The following GRIK2 variants were observed in gnomAD, a reference collection of about 807,000 sequenced individuals.
The protein encoded by GRIK2 is glutamate receptor ionotropic, kainate 2.
In GRIK2, 32 loss-of-function variants were observed where a neutral mutation model predicts 100.3. That is an observed-to-expected ratio of 0.32 (90% CI 0.24 to 0.43). The LOEUF (loss-of-function observed/expected upper bound fraction) is 0.43. GRIK2 is among the 20% of genes least tolerant of loss of function. GRIK2 has a pLI of 1.00. For synonymous variants in GRIK2, 417 were observed against 389.4 expected, an observed-to-expected ratio of 1.07 and a Z score of -0.83; for missense variants, 843 against 1,114.9, an observed-to-expected ratio of 0.76 and a Z score of 3.47.
intron 7 of GRIK2, among the ~76,000 whole-genome samples, chr6:101,712,603 A>C (rs1452183809): frequency 6.6e-6 from 1 of 151,776 alleles, no homozygotes; most frequent in Non-Finnish European, 1.5e-5. Context: ...GATTTTTGTT[A>C]CAGATAAAGA....
chr6:101,717,102 G>T (rs1774128699), intron 7 of GRIK2, among the ~76,000 whole-genome samples: 1 of 151,834 alleles, frequency 6.6e-6, no homozygotes, highest in South Asian at 2.1e-4. Flanking sequence ...TGAAGGAAAT[G>T]GATTTCTGAA....
chr6:101,612,895 T>C (rs2128313798), intron 2 of GRIK2, among the ~76,000 whole-genome samples: 1 of 151,482 alleles, frequency 6.6e-6, no homozygotes, highest in Non-Finnish European at 1.5e-5. Context: ...GTGGGAGTGG[T>C]AAGAAAAGAG....
chr6:101,889,536 GTTTTA>G (rs1212370431), intron 11 of GRIK2, 99 bp from the exon 12 acceptor site: 8 of 652,672 alleles, frequency 1.2e-5, no homozygotes, highest in Non-Finnish European at 1.8e-5. Context: ...TAAAGCCTTT[GTTTTA>G]TTTAATTTGA....
intron 2 of GRIK2, among the ~76,000 whole-genome samples, chr6:101,406,247 T>C (rs12208459): frequency 0.094 from 14,248 of 152,200 alleles, 720 homozygotes; most frequent in Non-Finnish European, 0.12. Flanking sequence ...AATTTTACTT[T>C]TGCATTTGGG....
chr6:101,789,329 A>G (rs75496527), intron 7 of GRIK2, among the ~76,000 whole-genome samples: 5,781 of 152,164 alleles, frequency 0.038, 184 homozygotes, highest in Middle Eastern at 0.071. Context: ...TTGGGTTTTT[A>G]TGGTTTCAGG....
intron 2 of GRIK2, among the ~76,000 whole-genome samples, chr6:101,456,724 T>C (rs966927305): frequency 6.6e-6 from 1 of 152,032 alleles, no homozygotes; most frequent in African/African-American, 2.4e-5. Context: ...GAATGTAAGC[T>C]ATGTTCTTTA....
At chr6:101,554,036 G>A (rs561784787) in intron 2 of GRIK2, among the ~76,000 whole-genome samples, 1 of 152,312 alleles carries the variant, frequency 6.6e-6, no homozygotes, top group African/African-American at 2.4e-5. Context: ...CCCAAGAACA[G>A]CTAACACATG....
At chr6:101,728,081 A>T (rs1038586123) in intron 7 of GRIK2, among the ~76,000 whole-genome samples, 1 of 152,100 alleles carries the variant, frequency 6.6e-6, no homozygotes, top group South Asian at 2.1e-4. Flanking sequence ...TAATTATTTT[A>T]TTGAGATAAT....
rs112172742 is a variant in GRIK2, at chr6:101,535,856, A to T, written c.116-86093A>T. Among the ~76,000 whole-genome samples the T allele has an allele frequency of 6.1e-3, 928 of 151,794 alleles. 6 individuals carry two copies. The highest frequency in any genetic ancestry group is 0.021 in the African/African-American group (864 of 41,486). ...AAGCACCTAAACGAAGTATTGTGCA[A>T]ATGTTTTGGTCACACACACCTTAAT... On this transcript the variant is annotated intron_variant, in intron 2 of 16. Transcript: ENST00000369134.
At chr6:101,591,012 A>G (rs898394665) in intron 2 of GRIK2, among the ~76,000 whole-genome samples, 1 of 152,040 alleles carries the variant, frequency 6.6e-6, no homozygotes, top group Admixed American at 6.6e-5. Flanking sequence ...TTTCTATGAA[A>G]TAAAGAGGAT....
intron 14 of GRIK2, among the ~76,000 whole-genome samples, chr6:101,975,793 GTCTATCTA>G (rs71028092): frequency 7.5e-4 from 73 of 96,970 alleles, no homozygotes; most frequent in African/African-American, 2.5e-3. Context: ...CTGTCTGTCT[GTCTATCTA>G]TCTATCTGTC....
At chr6:101,735,390 C>T (rs1925227) in intron 7 of GRIK2, among the ~76,000 whole-genome samples, 17,730 of 152,056 alleles carry the variant, frequency 0.12, 1,194 homozygotes, top group South Asian at 0.21. Flanking sequence ...TGTATTAGTC[C>T]GCTTTCAGGC....
At chr6:101,892,940 C>T (rs1333377025) in intron 12 of GRIK2, among the ~76,000 whole-genome samples, 4 of 151,044 alleles carry the variant, frequency 2.6e-5, no homozygotes, top group Admixed American at 2.6e-4. Flanking sequence ...TCTGAACATC[C>T]AAAAATCAAA....
At chr6:101,917,916 T>C (rs1171717104) in intron 12 of GRIK2, among the ~76,000 whole-genome samples, 1 of 151,602 alleles carries the variant, frequency 6.6e-6, no homozygotes, top group Non-Finnish European at 1.5e-5. Context: ...AAAAAAAACT[T>C]TGTATTCCTC....
chr6:101,817,547 T>G (rs1781707101), intron 9 of GRIK2, among the ~76,000 whole-genome samples: 1 of 152,180 alleles, frequency 6.6e-6, no homozygotes. Context: ...CTGATCATTG[T>G]TATATGATAG....
At chr6:101,910,502 A>G (rs923891934) in intron 12 of GRIK2, among the ~76,000 whole-genome samples, 1 of 151,318 alleles carries the variant, frequency 6.6e-6, no homozygotes, top group African/African-American at 2.4e-5. Flanking sequence ...TATGAATGTC[A>G]TCAGTTCAAA....
chr6:101,819,150 G>T (rs1261462895), intron 10 of GRIK2, among the ~76,000 whole-genome samples: 1 of 151,990 alleles, frequency 6.6e-6, no homozygotes, highest in Non-Finnish European at 1.5e-5. Context: ...TTTGCAAAAG[G>T]GAATTTTAAT....
chr6:101,908,457 A>G (rs1788398710), intron 12 of GRIK2, among the ~76,000 whole-genome samples: 2 of 151,418 alleles, frequency 1.3e-5, no homozygotes, highest in Admixed American at 1.3e-4. Flanking sequence ...TGTTGTAGTC[A>G]ATTTACCTAT....
intron 2 of GRIK2, among the ~76,000 whole-genome samples, chr6:101,529,533 A>G (rs910543021): frequency 1.3e-5 from 2 of 152,086 alleles, no homozygotes; most frequent in Non-Finnish European, 2.9e-5. Flanking sequence ...TGAATGCTGA[A>G]TTGCCCTTGT....
Sources: gnomAD v4.1 joint callset for allele counts (sites outside exome capture counted in the v4.1 genomes callset) on GRCh38, gnomAD v4.1.1 for gene constraint, MANE v1.5 for transcripts, NCBI Gene and HGNC (gene_info 2026-07-23, HGNC 2026-07-21) for gene names.